SYTL2: variants seen among roughly 807,000 people sequenced by gnomAD.
SYTL2 encodes synaptotagmin like 2, also known as synaptotagmin-like protein 2.
Under a neutral mutation model 198.7 loss-of-function variants are expected in SYTL2, and 165 were observed. That is an observed-to-expected ratio of 0.83 (90% confidence interval 0.73 to 0.94). SYTL2 has a LOEUF of 0.94. SYTL2 is among the 40% of genes least tolerant of loss of function. The pLI is 0.00. For synonymous variants in SYTL2, 966 were observed against 917.7 expected, an observed-to-expected ratio of 1.05 and a Z score of -0.95; for missense variants, 2,835 against 2,582.8, an observed-to-expected ratio of 1.10 and a Z score of -2.12.
intron 18 of SYTL2, 166 bp from the exon 19 acceptor site, chr11:85,696,554 T>C: frequency 1.6e-6 from 1 of 626,538 alleles, no homozygotes; most frequent in Non-Finnish European, 2.8e-6. Flanking sequence ...TAGGAACACA[T>C]CATGCTGAAA....
In SYTL2 at chr11:85,785,228, G is replaced by A. The variant is rs532464298; in HGVS notation, c.-390+25726C>T. Among the ~76,000 whole-genome samples, 13 of 152,262 alleles carry A rather than the reference G, an allele frequency of 8.5e-5. No homozygotes were observed. The South Asian group carries it at 2.5e-3, about 29-fold the overall frequency. On this transcript the variant is annotated intron_variant, in intron 1 of 19. Transcript: ENST00000359152. ...TGTGGAATTCAGTCTTTCACCTCAG[G>A]ATAAAGGTTTTTGTAATTCTCAACA...
rs1335455658 is a variant in SYTL2, at chr11:85,724,123, T to G, written c.5235A>C (p.Gln1745His). 1 of 1,592,792 alleles carries G rather than the reference T, an allele frequency of 6.3e-7. No individual in the cohort carries two copies. The highest frequency in any genetic ancestry group is 2.2e-5 in the East Asian group (1 of 44,466). ...AACCTTCTTTTTCTTCCTCTTTCTC[T>G]TGTTTCATATATGGCGATGCTAGAG... Reference protein sequence around the residue: ...ELTLASPYMKQEKEEEKEGFS... With the variant: ...ELTLASPYMKHEKEEEKEGFS... Residue 1745 changes from glutamine to histidine, a missense_variant, in exon 8 of 20, where the codon CAA becomes CAC. Gln to His is a conservative substitution (Grantham distance 24). Around this residue, in one of 3 missense-constraint regions of SYTL2, gnomAD observed 2,645 missense variants for 2,381.7 expected, o/e 1.11. Coordinates refer to ENST00000359152, the MANE Select transcript of SYTL2 (RefSeq NM_206927.4).
Position 85,726,497 on chromosome 11 carries a change from T to C in SYTL2, c.2861A>G (p.Glu954Gly). Residue 954 changes from glutamate to glycine, a missense_variant, in exon 8 of 20, where the codon GAA (glutamate) becomes GGA (glycine). Glu to Gly is a moderately conservative substitution (Grantham distance 98). Around this residue, in one of 3 missense-constraint regions of SYTL2, gnomAD observed 2,645 missense variants for 2,381.7 expected, o/e 1.11. Transcript: ENST00000359152. ...CATAACTTTAAAGTTGGCATTTGAT[T>C]CACGAACTAGAGGTCTGTCTTTCTC... The part of the protein sequence containing the change: ...PLEKDRPLVR[E>G]SNANFKVMSL... 3 of 1,608,126 alleles carry C rather than the reference T, an allele frequency of 1.9e-6. No individual in the cohort carries two copies. The highest frequency in any genetic ancestry group is 2.5e-6 in the Non-Finnish European group (3 of 1,179,952).
At chr11:85,791,179 A>C (rs1161295594) in intron 1 of SYTL2, among the ~76,000 whole-genome samples, 2 of 150,374 alleles carry the variant, frequency 1.3e-5, no homozygotes, top group South Asian at 2.1e-4. Context: ...AAAAAAAAAA[A>C]AAAAAAAAAA....
intron 12 of SYTL2, among the ~76,000 whole-genome samples, chr11:85,712,790 C>T (rs1002206477): frequency 9.2e-5 from 14 of 152,062 alleles, no homozygotes; most frequent in African/African-American, 3.4e-4. Context: ...AATCTCGGCT[C>T]ACTACAGCCT....
In SYTL2 at chr11:85,727,478, C is replaced by A. The variant is rs932852797; in HGVS notation, c.1880G>T (p.Gly627Val). The A allele has an allele frequency of 3.9e-6, 6 of 1,536,066 alleles. No individual in the cohort carries two copies. Among genetic ancestry groups the A allele is most frequent in the Non-Finnish European group, 5.2e-6 (6 of 1,146,860 alleles). The change falls in exon 8 of 20, where the codon GGC becomes GTC. Residue 627 changes from glycine (G) to valine (V), a missense_variant. Gly to Val is a moderately radical substitution (Grantham distance 109). Coordinates refer to ENST00000359152, the MANE Select transcript of SYTL2 (RefSeq NM_206927.4). Reference sequence around the variant, plus strand: ...TTCAAATGGTTGCAATATACCTGGGCCTTCCTTTGGGGTGCCTTTTTGGGA... The same window carrying A: ...TTCAAATGGTTGCAATATACCTGGGACTTCCTTTGGGGTGCCTTTTTGGGA... ...NLSQKGTPKE[G>V]PGILQPFESY...
At chr11:85,846,581 C>T in the SYTL2 span, among the ~76,000 whole-genome samples, 1 of 152,004 alleles carries the variant, frequency 6.6e-6, no homozygotes, top group Non-Finnish European at 1.5e-5. Context: ...GTGTGCACCA[C>T]CACACCCAGC....
intron 1 of SYTL2, among the ~76,000 whole-genome samples, chr11:85,783,721 T>G (rs761396327): frequency 6.6e-6 from 1 of 152,186 alleles, no homozygotes; most frequent in Non-Finnish European, 1.5e-5. Context: ...CATTACTCAG[T>G]TAACTGCTAG....
At chr11:85,766,963 G>A (rs546389072) in intron 1 of SYTL2, among the ~76,000 whole-genome samples, 79 of 152,336 alleles carry the variant, frequency 5.2e-4, no homozygotes, top group South Asian at 4.1e-3. Flanking sequence ...AAATCTGGCT[G>A]ATCAGCAGCA....
chr11:85,734,860 G>T (rs2090181744), intron 6 of SYTL2, 118 bp from the exon 7 acceptor site: 5 of 814,168 alleles, frequency 6.1e-6, no homozygotes, highest in Non-Finnish European at 9.4e-6. Flanking sequence ...AGACAGTAAA[G>T]TATGTGGCAC....
intron 1 of SYTL2, among the ~76,000 whole-genome samples, chr11:85,769,137 T>C (rs963150981): frequency 1.3e-5 from 2 of 152,268 alleles, no homozygotes; most frequent in African/African-American, 4.8e-5. Flanking sequence ...ATGTTAATTC[T>C]ATGGTAGGCA....
At chr11:85,852,941 C>T in the SYTL2 span, 9 of 301,578 alleles carry the variant, frequency 3.0e-5, no homozygotes, top group Non-Finnish European at 3.9e-5. Flanking sequence ...GCGTCTCTAC[C>T]CGGCCGCCCC....
intron 1 of SYTL2, among the ~76,000 whole-genome samples, chr11:85,768,933 AG>A (rs1382365064): frequency 6.6e-6 from 1 of 152,164 alleles, no homozygotes; most frequent in Non-Finnish European, 1.5e-5. Context: ...GCCCTCCTCT[AG>A]CTTCCTCCAG....
At chr11:85,745,463 A>G (rs117737048) in intron 4 of SYTL2, among the ~76,000 whole-genome samples, 174 bp downstream of exon 4, 2,471 of 152,300 alleles carry the variant, frequency 0.016, 29 homozygotes, top group Middle Eastern at 0.031. Flanking sequence ...GCTGAGAAAG[A>G]GTACCACTTG....
chr11:85,801,030 T>C (rs1211223036), intron 1 of SYTL2, among the ~76,000 whole-genome samples: 8 of 152,232 alleles, frequency 5.3e-5, no homozygotes, highest in African/African-American at 1.9e-4. Flanking sequence ...GAAACACACA[T>C]CTGTGTGTAC....
intron 1 of SYTL2, among the ~76,000 whole-genome samples, chr11:85,794,078 C>CA (rs2092769416): frequency 1.3e-5 from 2 of 152,296 alleles, no homozygotes; most frequent in South Asian, 4.1e-4. Flanking sequence ...CTATGCTGCC[C>CA]AGGCTGGTCT....
chr11:85,809,455 C>G (rs942308428), intron 1 of SYTL2, among the ~76,000 whole-genome samples: 1 of 152,184 alleles, frequency 6.6e-6, no homozygotes, highest in Non-Finnish European at 1.5e-5. Flanking sequence ...TTGCATAGTG[C>G]CTGACACCTG....
At chr11:85,770,840 A>G (rs1224018688) in intron 1 of SYTL2, among the ~76,000 whole-genome samples, 2 of 152,202 alleles carry the variant, frequency 1.3e-5, no homozygotes, top group Non-Finnish European at 2.9e-5. Flanking sequence ...ACTGAGCCCA[A>G]TAATACTTAT....
chr11:85,766,416 G>A (rs1336446696), intron 1 of SYTL2, among the ~76,000 whole-genome samples: 1 of 152,094 alleles, frequency 6.6e-6, no homozygotes, highest in Non-Finnish European at 1.5e-5. Flanking sequence ...GAAGAGAGAC[G>A]GCAGTCTACA....
Sources: allele counts gnomAD v4.1 joint callset (sites outside exome capture counted in the v4.1 genomes callset), GRCh38; gene constraint gnomAD v4.1.1; regional missense constraint gnomAD v4.1.1; transcripts MANE v1.5; gene names NCBI Gene and HGNC (gene_info 2026-07-23, HGNC 2026-07-21).